The following ZUP1 variants were observed in gnomAD, a reference collection of about 807,000 sequenced individuals.
ZUP1 encodes zinc finger containing ubiquitin peptidase 1.
In ZUP1, 55 loss-of-function variants were observed where a neutral mutation model predicts 68.1. That is an observed-to-expected ratio of 0.81 (90% CI 0.65 to 1.01). ZUP1 has a LOEUF of 1.01. ZUP1 is among the 50% of genes least tolerant of loss of function. The pLI, the probability that ZUP1 is intolerant of heterozygous loss-of-function variation, is 0.00. For synonymous variants in ZUP1, 223 were observed against 221.5 expected, an observed-to-expected ratio of 1.01 and a Z score of -0.06; for missense variants, 684 against 674.9, an observed-to-expected ratio of 1.01 and a Z score of -0.15.
chr6:116,667,103 T>C lies in ZUP1; in HGVS notation c.90A>G (p.Ile30Met), dbSNP rs756136603. 6.2e-7 allele frequency: 1 copy of C among 1,613,592 alleles called. No homozygotes were observed. Among genetic ancestry groups the C allele is most frequent in the African/African-American group, 1.3e-5 (1 of 74,918 alleles). ...CACCTGACAACTTGCAAAATGGACA[T>C]ATAATTTCACTTTCCATGTGAACAA... ...HLIVHMESEIICPFCKLSGVN... is the reference protein window; with the variant it reads ...HLIVHMESEIMCPFCKLSGVN... Residue 30 changes from isoleucine to methionine, a missense_variant, in exon 2 of 10, where the codon ATA (isoleucine) becomes ATG (methionine). Transcript: ENST00000368576.
At chr6:116,655,922 T>C (rs1265491371) in intron 5 of ZUP1, among the ~76,000 whole-genome samples, 6 of 152,234 alleles carry the variant, frequency 3.9e-5, no homozygotes, top group Non-Finnish European at 7.3e-5. Flanking sequence ...TGCTGTGAAG[T>C]AGAAAATACA....
rs1176127692 is a variant in ZUP1 at position 116,660,757 on chromosome 6, C to A, written c.649G>T (p.Glu217Ter). 6.2e-7 allele frequency: 1 copy of A among 1,603,416 alleles called. No homozygotes were observed. The highest frequency in any genetic ancestry group is 1.7e-5 in the Admixed American group (1 of 59,258). Residue 217 changes from glutamate (E) to a stop codon, truncating the protein, a stop_gained, in exon 3 of 10, where the codon GAA becomes TAA. Transcript: ENST00000368576. LOFTEE classifies it high-confidence loss of function. ...ATACCTTGCTGAAAGCTGTTTTCTT[C>A]CAAATGCAAGTCAACATGTTCCTGA... ...ILQEHVDLHL[E>*]ENSFQQGMDR... is the part of the protein sequence containing the mutation.
intron 9 of ZUP1, among the ~76,000 whole-genome samples, chr6:116,644,338 G>C (rs573828043): frequency 6.6e-6 from 1 of 152,030 alleles, no homozygotes; most frequent in South Asian, 2.1e-4. Flanking sequence ...CCTATTACTG[G>C]GTATATACCC....
At chr6:116,664,883 C>T (rs867958746) in intron 2 of ZUP1, among the ~76,000 whole-genome samples, 40 of 147,226 alleles carry the variant, frequency 2.7e-4, no homozygotes, top group Admixed American at 1.1e-3. Flanking sequence ...AGTACAGACA[C>T]ACACACACAC....
intron 2 of ZUP1, 31 bp from the exon 3 acceptor site, chr6:116,660,877 AT>A (rs768466139): frequency 5.7e-6 from 7 of 1,220,278 alleles, no homozygotes; most frequent in Admixed American, 2.5e-5. Flanking sequence ...AGTTGTTTTT[AT>A]TTTTTTATTT....
At chr6:116,656,165 C>T (rs1409154275) in intron 5 of ZUP1, among the ~76,000 whole-genome samples, 2 of 151,998 alleles carry the variant, frequency 1.3e-5, no homozygotes, top group African/African-American at 2.4e-5. Context: ...CCGCAACCTC[C>T]GCCTCCCGGG....
chr6:116,659,764 C>G (rs1317169588), intron 3 of ZUP1, among the ~76,000 whole-genome samples: 3 of 152,204 alleles, frequency 2.0e-5, no homozygotes, highest in Non-Finnish European at 4.4e-5. Context: ...TCCCCCAGAT[C>G]CATTTGTCAG....
intron 2 of ZUP1, among the ~76,000 whole-genome samples, chr6:116,664,171 C>T (rs921575307): frequency 3.9e-5 from 6 of 152,166 alleles, no homozygotes; most frequent in Non-Finnish European, 5.9e-5. Flanking sequence ...TGGCTTACGC[C>T]TGTAATCCCA....
At chr6:116,652,761 A>G (rs1192336347) in intron 5 of ZUP1, among the ~76,000 whole-genome samples, 1 of 152,122 alleles carries the variant, frequency 6.6e-6, no homozygotes, top group Non-Finnish European at 1.5e-5. Context: ...AATTTGTTTG[A>G]GACAACAGAA....
chr6:116,650,116 G>T (rs1005155081), intron 7 of ZUP1, among the ~76,000 whole-genome samples: 1 of 152,022 alleles, frequency 6.6e-6, no homozygotes, highest in South Asian at 2.1e-4. Context: ...AAAGAGACAT[G>T]ATAAACTTAG....
intron 5 of ZUP1, among the ~76,000 whole-genome samples, chr6:116,654,132 A>G (rs549190150): frequency 1.3e-5 from 2 of 152,018 alleles, no homozygotes; most frequent in African/African-American, 4.8e-5. Flanking sequence ...CATATTTAAT[A>G]TTTTCTTCCT....
intron 9 of ZUP1, among the ~76,000 whole-genome samples, chr6:116,639,034 T>A (rs1775997784): frequency 6.6e-6 from 1 of 152,222 alleles, no homozygotes; most frequent in Admixed American, 6.5e-5. Flanking sequence ...CAGGAGATTA[T>A]ATCCTGCACC....
Position 116,635,920 on chromosome 6 carries a change from C to A in ZUP1, c.1690-41G>T, listed in dbSNP as rs1271724737. ...TAAAAAACAATTTTAAGCTATAAGT[C>A]AATTAATTAGAATATGTGTTGTCAT... On this transcript the variant is annotated intron_variant, in intron 9 of 9. Coordinates refer to ENST00000368576, the MANE Select transcript of ZUP1 (RefSeq NM_145062.3). 5.0e-6 allele frequency: 7 copies of A among 1,389,968 alleles called. No individual in the cohort carries two copies. The South Asian group carries it at 5.6e-5, about 11-fold the overall frequency. The allele number at this position is 1,389,968 out of a possible 1,614,324, so 86.1% of individuals were successfully genotyped here.
intron 5 of ZUP1, among the ~76,000 whole-genome samples, chr6:116,652,830 C>T (rs1053626572): frequency 6.6e-6 from 1 of 152,002 alleles, no homozygotes; most frequent in Non-Finnish European, 1.5e-5. Flanking sequence ...GCCTTATAAA[C>T]CTAATTAGAA....
At chr6:116,660,926 G>C (rs539105071) in intron 2 of ZUP1, 80 bp from the exon 3 acceptor site, 1 of 763,408 alleles carries the variant, frequency 1.3e-6, no homozygotes, top group Middle Eastern at 3.9e-4. Context: ...TTGAGACAGG[G>C]TCTCACTCTG....
At chr6:116,644,031 T>C (rs897282750) in intron 9 of ZUP1, among the ~76,000 whole-genome samples, 4 of 152,112 alleles carry the variant, frequency 2.6e-5, no homozygotes, top group African/African-American at 9.7e-5. Context: ...GGGCAAACGA[T>C]ATGAACAGAC....
chr6:116,665,891 C>T (rs1776993606), intron 2 of ZUP1, among the ~76,000 whole-genome samples: 1 of 151,394 alleles, frequency 6.6e-6, no homozygotes, highest in African/African-American at 2.4e-5. Flanking sequence ...ACACCTGGCT[C>T]CACAAATTCT....
At chr6:116,653,293 CTAT>C (rs1776571529) in intron 5 of ZUP1, among the ~76,000 whole-genome samples, 1 of 152,010 alleles carries the variant, frequency 6.6e-6, no homozygotes, top group African/African-American at 2.4e-5. Flanking sequence ...TCACAGAATA[CTAT>C]AATTCTTTGT....
At chr6:116,656,576 ATATT>A in intron 5 of ZUP1, 104 bp downstream of exon 5, 1 of 846,910 alleles carries the variant, frequency 1.2e-6, no homozygotes, top group South Asian at 1.9e-5. Flanking sequence ...TTTTAAAAAA[ATATT>A]TGTGCACAGA....
Sources: allele counts gnomAD v4.1 joint callset (sites outside exome capture counted in the v4.1 genomes callset), GRCh38; gene constraint gnomAD v4.1.1; transcripts MANE v1.5; gene names NCBI Gene and HGNC (gene_info 2026-07-23, HGNC 2026-07-21).